Variants in GON4L observed in about 807,000 individuals in gnomAD.
GON4L encodes gon-4 like, also known as GON-4-like protein.
A neutral mutation model predicts 211.8 loss-of-function variants in GON4L; 87 were observed. The ratio of observed to expected loss-of-function variants is 0.41; its 90% CI spans 0.35 to 0.49. The LOEUF (loss-of-function observed/expected upper bound fraction) is 0.49, where lower values mean the gene tolerates loss of function less well. Among genes scored for constraint, GON4L ranks in the 20% least tolerant of loss-of-function variants. GON4L has a pLI of 0.15. For missense variants in GON4L, 2,155 were observed against 2,659.5 expected (o/e 0.81, Z 4.17); for synonymous variants, 875 against 962.6 (o/e 0.91, Z 1.68).
chr1:155,825,776 C>T (rs1669149566), intron 3 of GON4L, among the ~76,000 whole-genome samples: 2 of 151,772 alleles, frequency 1.3e-5, no homozygotes, highest in Non-Finnish European at 2.9e-5. Flanking sequence ...GGTGCGGTGG[C>T]TCATGCCTGT....
intron 22 of GON4L, among the ~76,000 whole-genome samples, chr1:155,762,730 G>C (rs1252174424): frequency 2.6e-5 from 4 of 152,108 alleles, no homozygotes; most frequent in Non-Finnish European, 4.4e-5. Context: ...GACAGATAAG[G>C]TAACAATCAG....
chr1:155,820,851 G>C lies in GON4L; in HGVS notation c.964-195C>G, dbSNP rs60291493. The stretch of plus-strand genomic sequence containing the variant: ...TGTTTTAAATTAGCTGGGCATAGTC[G>C]CATGTTCCTGTAGTCCCAGCTACTC... On this transcript the variant is annotated intron_variant, in intron 5 of 31. Coordinates refer to ENST00000368331, the MANE Select transcript of GON4L (RefSeq NM_001282860.2). Among the ~76,000 whole-genome samples the C allele has an allele frequency of 4.6e-3, 707 of 152,262 alleles. 2 individuals carry two copies. The highest frequency in any genetic ancestry group is 0.016 in the African/African-American group (670 of 41,546).
At chr1:155,826,739 T>C in intron 3 of GON4L, 98 bp downstream of exon 3, 1 of 810,968 alleles carries the variant, frequency 1.2e-6, no homozygotes, top group East Asian at 2.6e-5. Context: ...TTTGTAAAAA[T>C]ATAGTGAATT....
chr1:155,768,029 T>C (rs1662724428), intron 19 of GON4L, among the ~76,000 whole-genome samples: 1 of 152,044 alleles, frequency 6.6e-6, no homozygotes, highest in African/African-American at 2.4e-5. Flanking sequence ...TAAATGAAGG[T>C]TGGGCGTGGT....
In GON4L at chr1:155,813,699, T is replaced by C; in HGVS notation, c.1387A>G (p.Met463Val). ...TCATCTACCGCATGTAACTTCTCCA[T>C]GAAAGTACTATCTCTGGTCTGTTTC... is the stretch of plus-strand genomic sequence containing the variant. ...KPKQTRDSTF[M>V]EKLHAVDEEL... Residue 463 changes from methionine (M) to valine (V), a missense_variant, in exon 10 of 32, where the codon ATG (methionine) becomes GTG (valine). Met to Val is a conservative substitution (Grantham distance 21). This residue lies in a region of GON4L where 551 missense variants were observed against 854.0 expected (regional missense o/e 0.65). Coordinates refer to ENST00000368331, the MANE Select transcript of GON4L (RefSeq NM_001282860.2). The C allele has an allele frequency of 6.2e-7, 1 of 1,613,672 alleles. No homozygotes were observed. The highest frequency in any genetic ancestry group is 8.5e-7 in the Non-Finnish European group (1 of 1,179,698).
intron 17 of GON4L, among the ~76,000 whole-genome samples, chr1:155,774,469 T>G (rs971378488): frequency 6.6e-6 from 1 of 151,998 alleles, no homozygotes; most frequent in Admixed American, 6.6e-5. Flanking sequence ...CCCCCATGCC[T>G]GGCTAATTTC....
At position 155,853,694 on chromosome 1, in the gene GON4L, T is replaced by C; in HGVS notation, c.87A>G (p.Glu29=). ...GGTCAGATTCTGGTTTAACGGCTGA[T>C]TCTAGGTCTACGTTGTTTTCCTCTT... is the stretch of plus-strand genomic sequence containing the variant. ...GNQEENNVDL[E]SAVKPESDQV... Residue 29 remains glutamate (E), a synonymous_variant, in exon 2 of 32, where the codon GAA becomes GAG. Coordinates refer to ENST00000368331, the MANE Select transcript of GON4L (RefSeq NM_001282860.2). 1.2e-6 allele frequency: 2 copies of C among 1,613,530 alleles called. No individual in the cohort carries two copies.
intron 2 of GON4L, among the ~76,000 whole-genome samples, chr1:155,841,075 G>C (rs1358091331): frequency 6.6e-6 from 1 of 152,164 alleles, no homozygotes. Flanking sequence ...ACAGGGACAA[G>C]CTTGTATTCA....
At chr1:155,814,911 G>A (rs552811269) in intron 8 of GON4L, among the ~76,000 whole-genome samples, 3 of 151,578 alleles carry the variant, frequency 2.0e-5, no homozygotes, top group East Asian at 2.0e-4. Flanking sequence ...TCAGAAGTCC[G>A]AGACCAGCCT....
At chr1:155,797,089 C>T (rs1240819402) in intron 11 of GON4L, among the ~76,000 whole-genome samples, 1 of 151,998 alleles carries the variant, frequency 6.6e-6, no homozygotes, top group Non-Finnish European at 1.5e-5. Flanking sequence ...ACAAAGATTT[C>T]TCTGTGTACC....
intron 13 of GON4L, 101 bp downstream of exon 13, chr1:155,785,233 A>T: frequency 1.2e-6 from 1 of 825,140 alleles, no homozygotes; most frequent in Non-Finnish European, 2.2e-6. Flanking sequence ...TGGTTCAGTC[A>T]GACCCCCTCT....
downstream of GON4L, chr1:155,748,167 A>G: frequency 1.3e-6 from 2 of 1,530,552 alleles, no homozygotes; most frequent in South Asian, 1.2e-5. Flanking sequence ...GGCAGGCTAC[A>G]GGGCCTCCTC....
chr1:155,856,047 G>T (rs1672250807), intron 1 of GON4L, among the ~76,000 whole-genome samples: 2 of 134,932 alleles, frequency 1.5e-5, no homozygotes, highest in Non-Finnish European at 3.2e-5. Flanking sequence ...GTCATAAATA[G>T]ATCCAATAAT....
At chr1:155,778,071 C>G (rs1664014665) in intron 14 of GON4L, among the ~76,000 whole-genome samples, 2 of 152,170 alleles carry the variant, frequency 1.3e-5, no homozygotes, top group South Asian at 4.1e-4. Flanking sequence ...AAATAATATA[C>G]AAATAAAGAA....
chr1:155,806,499 C>T (rs1400737452), intron 10 of GON4L, among the ~76,000 whole-genome samples: 2 of 151,928 alleles, frequency 1.3e-5, no homozygotes, highest in Non-Finnish European at 2.9e-5. Flanking sequence ...CCTATGTTGC[C>T]CAGGCAAGTT....
rs534251428 is a variant in GON4L at position 155,799,290 on chromosome 1, T to C, written c.1646-4139A>G. Among the ~76,000 whole-genome samples the C allele has an allele frequency of 2.0e-5, 3 of 152,096 alleles. No individual in the cohort carries two copies. In the East Asian group the frequency reaches 5.8e-4, roughly 29 times the overall value. ...TCTCTACTAAAAATACAAAATTAGC[T>C]GGGTATGGTGGCATGTGCCTGTAAT... On this transcript the variant is annotated intron_variant, in intron 11 of 31. Transcript: ENST00000368331.
intron 12 of GON4L, 140 bp downstream of exon 12, chr1:155,794,910 A>G (rs1422337611): frequency 2.9e-6 from 2 of 684,022 alleles, no homozygotes; most frequent in Non-Finnish European, 5.3e-6. Context: ...AATTTAAAGA[A>G]TCAGATCAAT....
intron 2 of GON4L, among the ~76,000 whole-genome samples, chr1:155,833,719 A>G: frequency 3.4e-5 from 2 of 58,032 alleles, no homozygotes; most frequent in African/African-American, 1.2e-4. Flanking sequence ...AAGAGGGAAG[A>G]GGAGAGTGGG....
At chr1:155,759,175 A>AT (rs569609375) in intron 24 of GON4L, among the ~76,000 whole-genome samples, 1 of 151,446 alleles carries the variant, frequency 6.6e-6, no homozygotes, top group Non-Finnish European at 1.5e-5. Flanking sequence ...TAATTTTTTT[A>AT]TTTTATGTAA....
Sources: allele counts gnomAD v4.1 joint callset (sites outside exome capture counted in the v4.1 genomes callset), GRCh38; gene constraint gnomAD v4.1.1; regional missense constraint gnomAD v4.1.1; transcripts MANE v1.5; gene names NCBI Gene and HGNC (gene_info 2026-07-23, HGNC 2026-07-21).